RBBP8: variants seen among roughly 807,000 people sequenced by gnomAD.
RBBP8 encodes DNA endonuclease RBBP8.
Under a neutral mutation model 108.3 loss-of-function variants are expected in RBBP8, and 88 were observed. The observed-to-expected ratio is 0.81, with a 90% CI of 0.68 to 0.97. The LOEUF (loss-of-function observed/expected upper bound fraction) is 0.97, where lower values mean the gene tolerates loss of function less well. RBBP8 is among the 50% of genes least tolerant of loss of function. The probability of loss-of-function intolerance (pLI) is 0.00; values close to 1 mark genes in which losing one functional copy is unlikely to be tolerated. For synonymous variants in RBBP8, 332 were observed against 348.2 expected (o/e 0.95, Z 0.52); for missense variants, 1,023 against 1,049.0 (o/e 0.98, Z 0.34).
chr18:22,966,190 C>G (rs938486362), intron 4 of RBBP8, among the ~76,000 whole-genome samples: 4 of 151,878 alleles, frequency 2.6e-5, no homozygotes, highest in Non-Finnish European at 5.9e-5. Context: ...TTATGAGATT[C>G]TAGAAAGGAG....
chr18:23,017,731 A>G (rs1460741944), intron 17 of RBBP8, among the ~76,000 whole-genome samples: 7 of 150,340 alleles, frequency 4.7e-5, no homozygotes, highest in Non-Finnish European at 1.0e-4. Flanking sequence ...AATTGGTACC[A>G]ATATAAGTTC....
In RBBP8 at chr18:22,989,654, G is replaced by GTTGTT. The variant is rs1330246959; in HGVS notation, c.807+354_807+358dup. Among the ~76,000 whole-genome samples, 21 of 150,878 alleles carry GTTGTT rather than the reference G, an allele frequency of 1.4e-4. No individual in the cohort carries two copies. In the East Asian group the frequency reaches 1.6e-3, roughly 11 times the overall value. On this transcript the variant is annotated intron_variant, in intron 9 of 18. Coordinates refer to ENST00000327155, the MANE Select transcript of RBBP8 (RefSeq NM_002894.3). ...AAACCTTCAGGTTGATTTCAGAATT[G>GTTGTT]TTGTTTTGTTTTGTTTTGTTTTTTA...
chr18:22,916,781 T>G (rs1728981315), intron 2 of RBBP8, among the ~76,000 whole-genome samples: 1 of 152,152 alleles, frequency 6.6e-6, no homozygotes, highest in Non-Finnish European at 1.5e-5. Flanking sequence ...TTGCCCAACT[T>G]GTGGATCCCG....
chr18:22,975,226 A>G lies in RBBP8; in HGVS notation c.428+7A>G, dbSNP rs1480833275. On this transcript the variant is annotated splice_region_variant and intron_variant, in intron 6 of 18. Coordinates refer to ENST00000327155, the MANE Select transcript of RBBP8 (RefSeq NM_002894.3). Reference sequence around the variant, plus strand: ...AACTCCAGCAGAAAATTGAGTAAGTATTTTCCTCCAACCTTGTTATTTTAT... The same window carrying G: ...AACTCCAGCAGAAAATTGAGTAAGTGTTTTCCTCCAACCTTGTTATTTTAT... 6 of 1,612,220 alleles carry G rather than the reference A, an allele frequency of 3.7e-6. No homozygotes were observed. Among genetic ancestry groups the G allele is most frequent in the Non-Finnish European group, 5.1e-6 (6 of 1,179,030 alleles).
intron 3 of RBBP8, among the ~76,000 whole-genome samples, chr18:22,947,510 TC>T (rs1911668904): frequency 1.3e-5 from 2 of 152,086 alleles, no homozygotes; most frequent in African/African-American, 4.8e-5. Context: ...TTACCCAGCT[TC>T]TTATGCCAGT....
intron 17 of RBBP8, among the ~76,000 whole-genome samples, chr18:23,017,887 C>T (rs1269729981): frequency 1.3e-5 from 2 of 151,188 alleles, no homozygotes; most frequent in Non-Finnish European, 1.5e-5. Flanking sequence ...GCTGGGATTA[C>T]AGGCACCTAC....
intron 18 of RBBP8, among the ~76,000 whole-genome samples, chr18:23,023,243 A>G (rs1054855962): frequency 2.0e-5 from 3 of 152,164 alleles, no homozygotes; most frequent in Admixed American, 6.6e-5. Flanking sequence ...AATTACCAGG[A>G]AAGTTATATT....
intron 1 of RBBP8, among the ~76,000 whole-genome samples, chr18:22,914,636 T>C (rs1277164329): frequency 6.6e-6 from 1 of 152,200 alleles, no homozygotes; most frequent in Non-Finnish European, 1.5e-5. Context: ...AATGTAACTA[T>C]TATGTTTTAT....
chr18:22,931,690 C>G (rs901384139), upstream of RBBP8, among the ~76,000 whole-genome samples: 1 of 152,086 alleles, frequency 6.6e-6, no homozygotes, highest in African/African-American at 2.4e-5. Flanking sequence ...TTATTATCCT[C>G]AATTTACAGG....
At chr18:23,003,746 A>G (rs1019313598) in intron 15 of RBBP8, among the ~76,000 whole-genome samples, 1 of 152,202 alleles carries the variant, frequency 6.6e-6, no homozygotes. Flanking sequence ...GTAAAAATCA[A>G]CAGGATTGGT....
intron 9 of RBBP8, among the ~76,000 whole-genome samples, chr18:22,989,605 C>T (rs1915546950): frequency 6.6e-6 from 1 of 151,768 alleles, no homozygotes; most frequent in African/African-American, 2.4e-5. Flanking sequence ...TGCCCCCTCC[C>T]TGCCCTCATC....
intron 4 of RBBP8, among the ~76,000 whole-genome samples, chr18:22,968,487 A>C (rs978290291): frequency 4.6e-5 from 7 of 152,202 alleles, no homozygotes. Context: ...TTCAGGTATA[A>C]TTCTACCCCT....
At chr18:22,929,791 CAGG>C (rs1182584470), upstream of RBBP8, among the ~76,000 whole-genome samples, 2 of 152,032 alleles carry the variant, frequency 1.3e-5, no homozygotes, top group African/African-American at 4.8e-5. Context: ...CTTGTTTAAT[CAGG>C]AGGCCAGGTT....
At chr18:22,947,985 A>G (rs1911710266) in intron 3 of RBBP8, among the ~76,000 whole-genome samples, 1 of 152,116 alleles carries the variant, frequency 6.6e-6, no homozygotes, top group African/African-American at 2.4e-5. Flanking sequence ...GGAAAATCAG[A>G]TAACTCACTA....
intron 16 of RBBP8, among the ~76,000 whole-genome samples, chr18:23,014,220 G>T (rs2046219135): frequency 6.6e-6 from 1 of 151,974 alleles, no homozygotes; most frequent in Non-Finnish European, 1.5e-5. Flanking sequence ...TGGCCAGGCT[G>T]GATGAATGTT....
At chr18:22,972,353 C>CAAAA (rs1168455023) in intron 5 of RBBP8, among the ~76,000 whole-genome samples, 6 of 55,868 alleles carry the variant, frequency 1.1e-4, no homozygotes, top group African/African-American at 1.7e-4. Context: ...GACTCCCTCT[C>CAAAA]AAAAAAAAAA....
At chr18:22,951,210 G>A (rs1912005089) in intron 4 of RBBP8, among the ~76,000 whole-genome samples, 1 of 152,078 alleles carries the variant, frequency 6.6e-6, no homozygotes, top group African/African-American at 2.4e-5. Context: ...TTGCTCTAGG[G>A]GGCTAGGGAT....
rs567842696 is a variant in RBBP8 at position 22,973,676 on chromosome 18, A to G, written c.362-1477A>G. On this transcript the variant is annotated intron_variant, in intron 5 of 18. Transcript: ENST00000327155. ...TGATTCCTGGTAATCTATAAGATAA[A>G]GTTTTAATTTCTTAACCTGCTATTG... Among the ~76,000 whole-genome samples, 4 of 152,312 alleles carry G rather than the reference A, an allele frequency of 2.6e-5. No individual in the cohort carries two copies. In the East Asian group the frequency reaches 7.7e-4, roughly 29 times the overall value.
intron 3 of RBBP8, among the ~76,000 whole-genome samples, chr18:22,946,706 G>A (rs929425941): frequency 6.6e-6 from 1 of 151,592 alleles, no homozygotes; most frequent in African/African-American, 2.4e-5. Flanking sequence ...TTTAAGTGTA[G>A]CCTTAATTAT....
Sources: gnomAD v4.1 joint callset for allele counts (sites outside exome capture counted in the v4.1 genomes callset) on GRCh38, gnomAD v4.1.1 for gene constraint, MANE v1.5 for transcripts, NCBI Gene and HGNC (gene_info 2026-07-23, HGNC 2026-07-21) for gene names.